Variants in TRIO observed in about 807,000 individuals in gnomAD.
TRIO encodes the protein trio Rho guanine nucleotide exchange factor.
TRIO carries 58 observed loss-of-function variants against 351.9 expected under a neutral mutation model. That is an observed-to-expected ratio of 0.16 (90% CI 0.13 to 0.21). The LOEUF is 0.21. Among genes scored for constraint, TRIO ranks in the 10% least tolerant of loss-of-function variants. TRIO has a pLI of 1.00. For synonymous variants in TRIO, 1,758 were observed against 1,595.7 expected (o/e 1.10, Z -2.42); for missense variants, 3,201 against 4,027.8 (o/e 0.79, Z 5.56).
chr5:14,410,504 T>C (rs1053830678), intron 33 of TRIO, among the ~76,000 whole-genome samples: 3 of 152,240 alleles, frequency 2.0e-5, no homozygotes, highest in Admixed American at 2.0e-4. Flanking sequence ...CGAAGTTCTT[T>C]CTGCCCTACG....
intron 1 of TRIO, among the ~76,000 whole-genome samples, chr5:14,221,420 A>G (rs1792611354): frequency 6.6e-6 from 1 of 152,242 alleles, no homozygotes; most frequent in African/African-American, 2.4e-5. Context: ...GTAAGGCTGT[A>G]GCTGCCATAG....
chr5:14,180,373 A>G (rs1363017659), intron 1 of TRIO, among the ~76,000 whole-genome samples: 1 of 152,236 alleles, frequency 6.6e-6, no homozygotes, highest in African/African-American at 2.4e-5. Flanking sequence ...TTATAAAACT[A>G]TGCTGAGACT....
intron 34 of TRIO, among the ~76,000 whole-genome samples, chr5:14,439,803 G>C (rs972645461): frequency 8.5e-5 from 13 of 152,264 alleles, no homozygotes; most frequent in African/African-American, 1.4e-4. Flanking sequence ...GAAGCCTAAC[G>C]TGGGCCCATA....
chr5:14,472,493 A>G (rs1196761605), intron 38 of TRIO, 99 bp from the exon 39 acceptor site: 5 of 1,231,304 alleles, frequency 4.1e-6, no homozygotes, highest in Middle Eastern at 3.9e-4. Flanking sequence ...ATACATTACT[A>G]TTCAGTCCTG....
chr5:14,221,367 C>T (rs1792607226), intron 1 of TRIO, among the ~76,000 whole-genome samples: 1 of 152,192 alleles, frequency 6.6e-6, no homozygotes, highest in African/African-American at 2.4e-5. Context: ...GGATCAAAAA[C>T]TAATTTTGAC....
At chr5:14,457,548 GTATT>G (rs1385225455) in intron 34 of TRIO, among the ~76,000 whole-genome samples, 2 of 152,200 alleles carry the variant, frequency 1.3e-5, no homozygotes, top group East Asian at 3.9e-4. Flanking sequence ...GGGGAATGAC[GTATT>G]TAATTTCCTT....
At chr5:14,219,564 TAC>T (rs1198117264) in intron 1 of TRIO, among the ~76,000 whole-genome samples, 1 of 152,222 alleles carries the variant, frequency 6.6e-6, no homozygotes, top group African/African-American at 2.4e-5. Flanking sequence ...CCAGTTTTAG[TAC>T]AGTGTCTTTA....
intron 1 of TRIO, among the ~76,000 whole-genome samples, chr5:14,177,852 C>G (rs528716867): frequency 6.6e-6 from 1 of 152,190 alleles, no homozygotes; most frequent in Non-Finnish European, 1.5e-5. Flanking sequence ...CTGGAATTTT[C>G]ACAGGCCCAT....
At position 14,290,831 on chromosome 5, in the gene TRIO, C is replaced by G; in HGVS notation, c.656C>G (p.Ala219Gly). 1 of 1,614,078 alleles carries G rather than the reference C, an allele frequency of 6.2e-7. No individual in the cohort carries two copies. Among genetic ancestry groups the G allele is most frequent in the Non-Finnish European group, 8.5e-7 (1 of 1,180,026 alleles). Reference sequence around the variant, plus strand: ...GAAGAATGGATTGAAATCAGAGTTGCTTTTGAAGACTACATTAGCAATGCC... The same window carrying G: ...GAAGAATGGATTGAAATCAGAGTTGGTTTTGAAGACTACATTAGCAATGCC... ...NHEEWIEIRV[A>G]FEDYISNATH... The change falls in exon 5 of 57, where the codon GCT becomes GGT. Residue 219 changes from alanine to glycine, a missense_variant. Transcript: ENST00000344204.
rs757657200 is a variant in TRIO at position 14,358,358 on chromosome 5, C to A, written c.2216+11C>A. The A allele has an allele frequency of 1.9e-6, 3 of 1,613,508 alleles. No individual in the cohort carries two copies. The highest frequency in any genetic ancestry group is 2.7e-5 in the African/African-American group (2 of 74,930). On this transcript the variant is annotated intron_variant, in intron 12 of 56. Coordinates refer to ENST00000344204, the MANE Select transcript of TRIO (RefSeq NM_007118.4). The stretch of plus-strand genomic sequence containing the variant: ...CATCCAGCAGCTCAGGTGGGCCTCA[C>A]CCCTCTCCTGGTCCGAACAGATTCT...
rs1363333030 is a variant in TRIO at position 14,487,591 on chromosome 5, T to C, written c.6963T>C (p.Ser2321=). The C allele has an allele frequency of 3.5e-6, 4 of 1,153,452 alleles. No individual in the cohort carries two copies. The highest frequency in any genetic ancestry group is 3.5e-4 in the Middle Eastern group (1 of 2,868). 71.5% of individuals were successfully genotyped at this position (1,153,452 alleles called of 1,614,324 possible). A position where few individuals can be genotyped will look rare whatever the true frequency, so the allele number is the denominator to read the frequency against. ...GGAPSGGSGH[S]GGPSSCGGAP... ...CCCCCAGTGGCGGCAGCGGCCACAG[T>C]GGCGGCCCCAGCAGCTGCGGCGGCG... The change falls in exon 48 of 57, where the codon AGT becomes AGC. Residue 2321 remains serine (S), a synonymous_variant. Transcript: ENST00000344204.
intron 39 of TRIO, 89 bp downstream of exon 39, chr5:14,472,747 A>C: frequency 7.3e-7 from 1 of 1,361,188 alleles, no homozygotes; most frequent in East Asian, 2.4e-5. Flanking sequence ...CACCTCTCAA[A>C]AGCTTTAAAA....
chr5:14,305,779 G>C (rs1464889463), intron 8 of TRIO, among the ~76,000 whole-genome samples: 1 of 152,208 alleles, frequency 6.6e-6, no homozygotes, highest in Admixed American at 6.5e-5. Flanking sequence ...CATGTGATTT[G>C]CTGCTACAGT....
In TRIO at chr5:14,487,900, C is replaced by A. The variant is rs1401244540; in HGVS notation, c.7272C>A (p.Asn2424Lys). 2 of 1,539,028 alleles carry A rather than the reference C, an allele frequency of 1.3e-6. No homozygotes were observed. The highest frequency in any genetic ancestry group is 1.7e-6 in the Non-Finnish European group (2 of 1,143,072). Residue 2424 changes from asparagine (N) to lysine (K), a missense_variant, in exon 48 of 57, where the codon AAC becomes AAA. Physicochemically the swap from Asn to Lys is moderately conservative, Grantham distance 94. Around this residue, in one of 19 missense-constraint regions of TRIO, gnomAD observed 1,089 missense variants for 954.9 expected, o/e 1.14. Coordinates refer to ENST00000344204, the MANE Select transcript of TRIO (RefSeq NM_007118.4). ...AGAGCCCCAGGAAAGGCGCCGCGAACGCCTCGGGGTCGAGCCCAGACGCCC... is the reference window on the plus strand; with the variant it reads ...AGAGCCCCAGGAAAGGCGCCGCGAAAGCCTCGGGGTCGAGCCCAGACGCCC... The part of the protein sequence containing the change: ...VLESPRKGAA[N>K]ASGSSPDAPA...
chr5:14,421,255 T>TATTTTATTTC (rs1750124727), intron 34 of TRIO, among the ~76,000 whole-genome samples: 1 of 146,550 alleles, frequency 6.8e-6, no homozygotes, highest in Non-Finnish European at 1.5e-5. Flanking sequence ...TATTTTATTT[T>TATTTTATTTC]ATTTTATTTT....
chr5:14,490,659 G>T (rs1247823784), intron 48 of TRIO, among the ~76,000 whole-genome samples: 1 of 152,220 alleles, frequency 6.6e-6, no homozygotes, highest in African/African-American at 2.4e-5. Flanking sequence ...TGATAACCAC[G>T]CCCACTGGTG....
chr5:14,219,173 C>T (rs1792428040), intron 1 of TRIO, among the ~76,000 whole-genome samples: 1 of 151,950 alleles, frequency 6.6e-6, no homozygotes, highest in Non-Finnish European at 1.5e-5. Context: ...AGTTTAAGGC[C>T]AAGTGCTTTG....
chr5:14,478,134 A>AG (rs1405315760), intron 41 of TRIO, among the ~76,000 whole-genome samples: 1 of 152,210 alleles, frequency 6.6e-6, no homozygotes, highest in South Asian at 2.1e-4. Context: ...CGGTTACATA[A>AG]GTGCTTTTTC....
chr5:14,419,682 G>A (rs1749951854), intron 33 of TRIO, 96 bp from the exon 34 acceptor site: 2 of 1,542,146 alleles, frequency 1.3e-6, no homozygotes, highest in African/African-American at 1.4e-5. Flanking sequence ...TCCGGGGCAG[G>A]GTGGCAGGAA....
Sources: allele counts gnomAD v4.1 joint callset (sites outside exome capture counted in the v4.1 genomes callset), GRCh38; gene constraint gnomAD v4.1.1; regional missense constraint gnomAD v4.1.1; transcripts MANE v1.5; gene names NCBI Gene and HGNC (gene_info 2026-07-23, HGNC 2026-07-21).